The following CSMD1 variants were observed in gnomAD, a reference collection of about 807,000 sequenced individuals.
The protein encoded by CSMD1 is CUB and sushi domain-containing protein 1.
A neutral mutation model predicts 417.5 loss-of-function variants in CSMD1; 213 were observed. The observed-to-expected ratio is 0.51, with a 90% CI of 0.46 to 0.57. CSMD1 has a LOEUF of 0.57. Ranked by LOEUF, CSMD1 falls within the 20% of genes least tolerant of loss-of-function variation. The pLI is 0.00. For missense variants in CSMD1, 6,923 were observed against 4,529.7 expected, an observed-to-expected ratio of 1.53 and a Z score of -15.17; for synonymous variants, 2,862 against 1,736.8, an observed-to-expected ratio of 1.65 and a Z score of -16.11.
intron 7 of CSMD1, among the ~76,000 whole-genome samples, chr8:3,638,980 G>A (rs895227399): frequency 2.0e-5 from 3 of 152,176 alleles, no homozygotes; most frequent in Admixed American, 2.0e-4. Flanking sequence ...TAAGAGAAAG[G>A]CAGTGTTGCA....
intron 12 of CSMD1, among the ~76,000 whole-genome samples, chr8:3,410,931 G>A (rs951735872): frequency 4.6e-5 from 7 of 152,086 alleles, no homozygotes; most frequent in Non-Finnish European, 1.0e-4. Flanking sequence ...GATGGATGGA[G>A]GAGGAGGCAG....
intron 7 of CSMD1, among the ~76,000 whole-genome samples, chr8:3,675,754 C>T (rs117176346): frequency 0.015 from 2,298 of 152,190 alleles, 25 homozygotes; most frequent in Non-Finnish European, 0.023. Context: ...AGTCTCAAAA[C>T]TGTGAGAAAT....
chr8:4,360,804 C>G (rs1371059574), intron 3 of CSMD1, among the ~76,000 whole-genome samples: 2 of 151,952 alleles, frequency 1.3e-5, no homozygotes, highest in Non-Finnish European at 2.9e-5. Flanking sequence ...CCTCGGGGTT[C>G]GTAATCTCAC....
intron 2 of CSMD1, among the ~76,000 whole-genome samples, chr8:4,531,109 A>T (rs150371330): frequency 6.6e-6 from 1 of 152,166 alleles, no homozygotes; most frequent in Non-Finnish European, 1.5e-5. Context: ...AATCATCGCG[A>T]GTAGAATACA....
chr8:4,287,775 C>T (rs538171293), intron 3 of CSMD1, among the ~76,000 whole-genome samples: 2 of 151,824 alleles, frequency 1.3e-5, no homozygotes, highest in Admixed American at 6.6e-5. Context: ...GTCGGTTGAG[C>T]GAGTTGGACT....
rs369321835 is a variant in CSMD1, at chr8:3,433,833, G to C, written c.1562-24228C>G. On this transcript the variant is annotated intron_variant, in intron 12 of 69. Transcript: ENST00000635120. ...GACTGAAAAACGGGCTCCCGTGGCA[G>C]CTCAGCCATTCTCTGTTGCACTGGA... Among the ~76,000 whole-genome samples the C allele has an allele frequency of 1.1e-4, 16 of 152,330 alleles. 1 individual carries two copies. Among genetic ancestry groups the C allele is most frequent in the Admixed American group, 8.5e-4 (13 of 15,298 alleles).
At chr8:3,664,791 G>A (rs1222241056) in intron 7 of CSMD1, among the ~76,000 whole-genome samples, 1 of 152,188 alleles carries the variant, frequency 6.6e-6, no homozygotes, top group Non-Finnish European at 1.5e-5. Context: ...TGGTAAAACT[G>A]TACACAAAGC....
intron 2 of CSMD1, among the ~76,000 whole-genome samples, chr8:4,447,469 C>G (rs545149994): frequency 6.6e-6 from 1 of 152,298 alleles, no homozygotes; most frequent in Admixed American, 6.5e-5. Flanking sequence ...TATTCATAGA[C>G]AGTAAACAAA....
At chr8:4,600,421 T>A (rs565360526) in intron 2 of CSMD1, among the ~76,000 whole-genome samples, 6 of 152,306 alleles carry the variant, frequency 3.9e-5, no homozygotes, top group African/African-American at 1.4e-4. Context: ...ATGGATATGT[T>A]CCTTATTTCA....
intron 17 of CSMD1, among the ~76,000 whole-genome samples, chr8:3,388,545 T>C (rs1408627844): frequency 4.6e-5 from 7 of 152,332 alleles, no homozygotes; most frequent in African/African-American, 1.7e-4. Context: ...TAAAAATATT[T>C]CTAATTTAAA....
intron 3 of CSMD1, among the ~76,000 whole-genome samples, chr8:4,303,794 T>TACAG (rs1391329268): frequency 1.3e-5 from 2 of 152,084 alleles, no homozygotes; most frequent in African/African-American, 4.8e-5. Context: ...TAGCTGGGAC[T>TACAG]ACAGGCACAC....
At chr8:4,362,116 C>T (rs1268324284) in intron 3 of CSMD1, among the ~76,000 whole-genome samples, 1 of 152,184 alleles carries the variant, frequency 6.6e-6, no homozygotes, top group South Asian at 2.1e-4. Flanking sequence ...ATTACAAATC[C>T]AAGTACTTTA....
chr8:4,150,612 C>G (rs1029801332), intron 3 of CSMD1, among the ~76,000 whole-genome samples: 1 of 152,184 alleles, frequency 6.6e-6, no homozygotes, highest in Non-Finnish European at 1.5e-5. Flanking sequence ...AACCAAACAA[C>G]AAGCATTAAC....
chr8:3,514,169 C>A lies in CSMD1; in HGVS notation c.1345-20443G>T, dbSNP rs572607625. Among the ~76,000 whole-genome samples the A allele has an allele frequency of 4.6e-5, 7 of 152,274 alleles. No homozygotes were observed. The East Asian group carries it at 1.4e-3, about 29-fold the overall frequency. The stretch of plus-strand genomic sequence containing the variant: ...TCTGTCTCCCAGGAAGCTGTCATAG[C>A]TTGTTCCCCAATCCCTCATGAAGAC... On this transcript the variant is annotated intron_variant, in intron 10 of 69. Transcript: ENST00000635120.
At chr8:3,259,829 G>A (rs181075983) in intron 26 of CSMD1, among the ~76,000 whole-genome samples, 130 of 149,740 alleles carry the variant, frequency 8.7e-4, no homozygotes, top group African/African-American at 3.0e-3. Flanking sequence ...GCTAAGAATG[G>A]TTTTACATTT....
At chr8:4,241,143 C>T (rs1193243590) in intron 3 of CSMD1, among the ~76,000 whole-genome samples, 3 of 152,052 alleles carry the variant, frequency 2.0e-5, no homozygotes, top group Admixed American at 6.6e-5. Flanking sequence ...CACTGATGGC[C>T]CTACAGCTTG....
intron 5 of CSMD1, among the ~76,000 whole-genome samples, chr8:3,767,172 G>A (rs1292666969): frequency 3.3e-5 from 5 of 152,216 alleles, no homozygotes; most frequent in African/African-American, 9.6e-5. Flanking sequence ...GTGCTTCTTA[G>A]GTCACGCTGC....
chr8:3,766,521 G>A (rs762164519), intron 5 of CSMD1, among the ~76,000 whole-genome samples: 2 of 151,944 alleles, frequency 1.3e-5, no homozygotes, highest in South Asian at 2.1e-4. Context: ...TATAATACTT[G>A]GACATTTGAA....
intron 2 of CSMD1, among the ~76,000 whole-genome samples, chr8:4,445,342 G>C (rs1423551067): frequency 1.3e-5 from 2 of 152,162 alleles, no homozygotes; most frequent in African/African-American, 2.4e-5. Flanking sequence ...CTTCAGAAGT[G>C]TATGAAGTCT....
Sources: gnomAD v4.1 joint callset for allele counts (sites outside exome capture counted in the v4.1 genomes callset) on GRCh38, gnomAD v4.1.1 for gene constraint, MANE v1.5 for transcripts, NCBI Gene and HGNC (gene_info 2026-07-23, HGNC 2026-07-21) for gene names.